EEIG2: variants seen among roughly 807,000 people sequenced by gnomAD.
EEIG2 encodes the protein family with sequence similarity 102 member B.
chr1:108,594,770 G>A, the EEIG2 span, among the ~76,000 whole-genome samples: 5 of 151,996 alleles, frequency 3.3e-5, no homozygotes, highest in South Asian at 2.1e-4. Context: ...ATTTTTTCCC[G>A]TAAGATTAAA....
chr1:108,615,611 CA>C, the EEIG2 span, among the ~76,000 whole-genome samples: 22 of 144,046 alleles, frequency 1.5e-4, no homozygotes, highest in Admixed American at 1.4e-4. Flanking sequence ...CTCATTTCTG[CA>C]AAAAAAAAAG....
chr1:108,635,254 C>A, the EEIG2 span: 7 of 1,455,380 alleles, frequency 4.8e-6, no homozygotes, highest in Non-Finnish European at 6.7e-6. Flanking sequence ...CCTCAACTAT[C>A]AAGAGGAAAG....
At chr1:108,627,684 A>C in the EEIG2 span, 17 of 156,790 alleles carry the variant, frequency 1.1e-4, no homozygotes, top group African/African-American at 3.8e-4. Context: ...AGCACTAACA[A>C]CACTAACATT....
At chr1:108,579,143 G>A in the EEIG2 span, among the ~76,000 whole-genome samples, 1 of 117,108 alleles carries the variant, frequency 8.5e-6, no homozygotes, top group South Asian at 3.2e-4. Context: ...ACACAGACTG[G>A]CAAGTTGGAT....
chr1:108,615,415 C>CGA, the EEIG2 span, among the ~76,000 whole-genome samples: 2 of 152,024 alleles, frequency 1.3e-5, no homozygotes, highest in Non-Finnish European at 2.9e-5. Flanking sequence ...TAAAGAGGTC[C>CGA]TATGACTGAC....
the EEIG2 span, among the ~76,000 whole-genome samples, chr1:108,619,628 C>T: frequency 6.6e-6 from 1 of 152,322 alleles, no homozygotes; most frequent in South Asian, 2.1e-4. Flanking sequence ...TGGCTTATGC[C>T]TGTAATCCCA....
At chr1:108,581,402 T>A in the EEIG2 span, among the ~76,000 whole-genome samples, 1 of 152,240 alleles carries the variant, frequency 6.6e-6, no homozygotes, top group African/African-American at 2.4e-5. Flanking sequence ...ATACATTTTG[T>A]AAGGCTGTTG....
chr1:108,627,928 A>G, the EEIG2 span: 1 of 500,158 alleles, frequency 2.0e-6, no homozygotes, highest in Non-Finnish European at 3.6e-6. Context: ...TAAAGGACTG[A>G]AATAATTTTT....
chr1:108,637,744 G>A, the EEIG2 span: 4 of 152,226 alleles, frequency 2.6e-5, no homozygotes, highest in Admixed American at 6.6e-5. Context: ...TATTTGTGAC[G>A]AGATAAAGAA....
chr1:108,570,753 C>T, the EEIG2 span, among the ~76,000 whole-genome samples: 1 of 151,942 alleles, frequency 6.6e-6, no homozygotes, highest in Non-Finnish European at 1.5e-5. Context: ...GTTGGGAGTA[C>T]TGGTGAGAAA....
the EEIG2 span, chr1:108,612,176 A>C: frequency 6.2e-7 from 1 of 1,603,082 alleles, no homozygotes; most frequent in Non-Finnish European, 8.5e-7. Flanking sequence ...TTCTTTTCAT[A>C]GCTGGGCTTT....
chr1:108,569,652 A>G, the EEIG2 span, among the ~76,000 whole-genome samples: 1 of 152,128 alleles, frequency 6.6e-6, no homozygotes, highest in African/African-American at 2.4e-5. Context: ...GGCCCTTTCT[A>G]ACTCCAAAAT....
chr1:108,615,913 T>C, the EEIG2 span, among the ~76,000 whole-genome samples: 1 of 152,042 alleles, frequency 6.6e-6, no homozygotes, highest in Non-Finnish European at 1.5e-5. Context: ...AAGGAAAACA[T>C]TACCAGACAC....
At chr1:108,612,379 G>A in the EEIG2 span, 14 of 889,070 alleles carry the variant, frequency 1.6e-5, no homozygotes, top group Non-Finnish European at 2.3e-5. Context: ...AGGACAAGAT[G>A]TGAATCAGTG....
the EEIG2 span, among the ~76,000 whole-genome samples, chr1:108,611,891 G>C: frequency 6.6e-6 from 1 of 151,656 alleles, no homozygotes; most frequent in South Asian, 2.1e-4. Flanking sequence ...TACTTTAACA[G>C]TAATATATAT....
the EEIG2 span, among the ~76,000 whole-genome samples, chr1:108,619,012 G>T: frequency 6.6e-6 from 1 of 152,074 alleles, no homozygotes; most frequent in African/African-American, 2.4e-5. Flanking sequence ...TTTTCTATTG[G>T]AGTAAGATTT....
chr1:108,574,968 T>G, the EEIG2 span, among the ~76,000 whole-genome samples: 370 of 152,356 alleles, frequency 2.4e-3, 4 homozygotes, highest in African/African-American at 8.5e-3. Context: ...GCAGTAGCAA[T>G]GATGAGTTCC....
chr1:108,635,013 A>G, the EEIG2 span: 12 of 1,134,654 alleles, frequency 1.1e-5, no homozygotes, highest in East Asian at 2.4e-5. Context: ...GTAGAAAAAT[A>G]CCCAGTGCCC....
the EEIG2 span, among the ~76,000 whole-genome samples, chr1:108,569,953 A>G: frequency 5.9e-5 from 9 of 152,228 alleles, no homozygotes; most frequent in African/African-American, 2.2e-4. Context: ...TGTTGAATGA[A>G]TGAAAACTTT....
Sources: gnomAD v4.1 joint callset for allele counts (sites outside exome capture counted in the v4.1 genomes callset) on GRCh38, gnomAD v4.1.1 for gene constraint, MANE v1.5 for transcripts, NCBI Gene and HGNC (gene_info 2026-07-23, HGNC 2026-07-21) for gene names.